DCAF8L2: variants seen among roughly 807,000 people sequenced by gnomAD.
DCAF8L2 encodes the protein DDB1- and CUL4-associated factor 8-like protein 2.
For synonymous variants in DCAF8L2, 200 were observed against 190.9 expected, an observed-to-expected ratio of 1.05 and a Z score of -0.39; for missense variants, 430 against 490.7, an observed-to-expected ratio of 0.88 and a Z score of 1.17.
At chrX:27,589,786 G>A (rs780711948), upstream of DCAF8L2, among the ~76,000 whole-genome samples, 1 of 112,227 alleles carries the variant, frequency 8.9e-6, no homozygotes, top group Admixed American at 9.5e-5. Context: ...AACCATGTGT[G>A]TAAATTCAAA....
intron 1 of DCAF8L2, among the ~76,000 whole-genome samples, chrX:27,597,595 G>A (rs886077528): frequency 9.0e-6 from 1 of 111,621 alleles, no homozygotes. Flanking sequence ...AAAACATAAG[G>A]TGTTTTCTCC....
intron 2 of DCAF8L2, among the ~76,000 whole-genome samples, chrX:27,644,537 T>C (rs1456829595): frequency 2.7e-5 from 3 of 110,828 alleles, no homozygotes; most frequent in Non-Finnish European, 3.8e-5. Flanking sequence ...CACCGAGATA[T>C]GCTGGATAAA....
chrX:27,560,631 T>G, the DCAF8L2 span, among the ~76,000 whole-genome samples: 1 of 112,296 alleles, frequency 8.9e-6, no homozygotes, highest in African/African-American at 3.2e-5. Context: ...TTTCTGGGTT[T>G]ACTCAGTCAG....
the DCAF8L2 span, among the ~76,000 whole-genome samples, chrX:27,504,371 G>T: frequency 9.0e-6 from 1 of 111,464 alleles, no homozygotes; most frequent in Non-Finnish European, 1.9e-5. Flanking sequence ...TTATACAAAT[G>T]ATATACTCAC....
intron 3 of DCAF8L2, among the ~76,000 whole-genome samples, chrX:27,705,353 A>G (rs1931307918): frequency 9.0e-6 from 1 of 111,656 alleles, no homozygotes; most frequent in Admixed American, 9.6e-5. Context: ...TAACTCCATG[A>G]CTAGCTTTTT....
chrX:27,473,246 T>C, the DCAF8L2 span, among the ~76,000 whole-genome samples: 2 of 112,411 alleles, frequency 1.8e-5, no homozygotes, highest in African/African-American at 6.5e-5. Flanking sequence ...ACTTTGTTCT[T>C]GCTTTCACAC....
intron 3 of DCAF8L2, among the ~76,000 whole-genome samples, chrX:27,691,882 A>G (rs1342451564): frequency 8.9e-6 from 1 of 111,791 alleles, no homozygotes; most frequent in Non-Finnish European, 1.9e-5. Context: ...TTTGAAGCCT[A>G]GGAGATTAAA....
At chrX:27,541,059 C>T in the DCAF8L2 span, among the ~76,000 whole-genome samples, 1 of 111,386 alleles carries the variant, frequency 9.0e-6, no homozygotes, top group Admixed American at 9.6e-5. Context: ...CCTCTTGGCC[C>T]TCTGAAGCTT....
chrX:27,666,240 C>T (rs1929738228), intron 2 of DCAF8L2, among the ~76,000 whole-genome samples: 1 of 111,867 alleles, frequency 8.9e-6, no homozygotes, highest in East Asian at 2.8e-4. Context: ...TGTGTGCAAC[C>T]TCTGCAAAGC....
the DCAF8L2 span, among the ~76,000 whole-genome samples, chrX:27,470,857 G>A: frequency 8.9e-6 from 1 of 112,142 alleles, no homozygotes; most frequent in Non-Finnish European, 1.9e-5. Context: ...ATCACAAAAT[G>A]TGACCTTATA....
chrX:27,591,043 AT>A lies in DCAF8L2; in HGVS notation c.-342+607del, dbSNP rs111704121. Among the ~76,000 whole-genome samples the A allele has an allele frequency of 3.8e-3, 372 of 98,826 alleles. 1 individual carries two copies. The highest frequency in any genetic ancestry group is 0.012 in the African/African-American group (335 of 28,800). The allele number at this position is 98,826 out of a possible 115,157, so 85.8% of individuals were successfully genotyped here. ...TAAATAATTTGATAGGTTACATTAC[AT>A]TTTATAAAATACTTTATCATATAAG... On this transcript the variant is annotated intron_variant, in intron 1 of 4. Transcript: ENST00000451261.
chrX:27,691,157 C>T (rs933907686), intron 3 of DCAF8L2, among the ~76,000 whole-genome samples: 1 of 111,364 alleles, frequency 9.0e-6, no homozygotes, highest in Non-Finnish European at 1.9e-5. Context: ...CATTTAAGAT[C>T]TAAATCAAAT....
intron 2 of DCAF8L2, among the ~76,000 whole-genome samples, chrX:27,642,108 T>A (rs1461445923): frequency 9.2e-6 from 1 of 108,792 alleles, no homozygotes; most frequent in East Asian, 2.9e-4. Flanking sequence ...TTAGCCAGGA[T>A]GGTCTCAATC....
the DCAF8L2 span, among the ~76,000 whole-genome samples, chrX:27,572,730 A>G: frequency 9.0e-6 from 1 of 111,557 alleles, no homozygotes; most frequent in Non-Finnish European, 1.9e-5. Flanking sequence ...CATAATTCTC[A>G]GGGTACTGAG....
chrX:27,469,883 C>T, the DCAF8L2 span, among the ~76,000 whole-genome samples: 6 of 110,377 alleles, frequency 5.4e-5, no homozygotes, highest in Non-Finnish European at 1.1e-4. Flanking sequence ...ATTCTCCTGC[C>T]TCAGTCTCCC....
intron 1 of DCAF8L2, among the ~76,000 whole-genome samples, chrX:27,593,774 A>G (rs1373324348): frequency 1.8e-5 from 2 of 112,287 alleles, no homozygotes; most frequent in Non-Finnish European, 3.8e-5. Flanking sequence ...AGAGAGCGGC[A>G]TGTATCCCAC....
At chrX:27,717,101 T>C (rs983761914) in intron 4 of DCAF8L2, among the ~76,000 whole-genome samples, 3 of 112,584 alleles carry the variant, frequency 2.7e-5, no homozygotes, top group Middle Eastern at 4.6e-3. Context: ...CCGTAGTGTA[T>C]ATGTACAACA....
chrX:27,727,958 T>G (rs1467139856), intron 4 of DCAF8L2, among the ~76,000 whole-genome samples: 1 of 111,818 alleles, frequency 8.9e-6, no homozygotes, highest in Non-Finnish European at 1.9e-5. Flanking sequence ...ACATTCCAAT[T>G]GTATCTTGTC....
At chrX:27,587,945 C>G (rs984565533), upstream of DCAF8L2, among the ~76,000 whole-genome samples, 4 of 91,001 alleles carry the variant, frequency 4.4e-5, no homozygotes, top group Non-Finnish European at 8.4e-5. Flanking sequence ...CCAAACTATT[C>G]TATTACTGAA....
Sources: gnomAD v4.1 joint callset for allele counts (sites outside exome capture counted in the v4.1 genomes callset) on GRCh38, gnomAD v4.1.1 for gene constraint, MANE v1.5 for transcripts, NCBI Gene and HGNC (gene_info 2026-07-23, HGNC 2026-07-21) for gene names.